DMD: variants seen among roughly 807,000 people sequenced by gnomAD.
DMD encodes the protein mutant dystrophin.
In DMD, 63 loss-of-function variants were observed where a neutral mutation model predicts 330.1. The observed-to-expected ratio is 0.19, with a 90% confidence interval of 0.16 to 0.24. DMD has a LOEUF of 0.24. Among genes scored for constraint, DMD ranks in the 10% least tolerant of loss-of-function variants. The probability of loss-of-function intolerance (pLI) is 1.00; values close to 1 mark genes in which losing one functional copy is unlikely to be tolerated. For synonymous variants in DMD, 1,223 were observed against 959.8 expected (o/e 1.27, Z -5.07); for missense variants, 3,344 against 2,684.1 (o/e 1.25, Z -5.43).
chrX:32,082,391 G>GCTATCTATCTATCTAT (rs74475298), intron 44 of DMD, among the ~76,000 whole-genome samples: 44 of 95,333 alleles, frequency 4.6e-4, no homozygotes, highest in African/African-American at 5.5e-4. Context: ...ACCTCGCCCG[G>GCTATCTATCTATCTAT]CTATCTATCT....
At chrX:31,270,386 TC>T (rs1390610015) in intron 62 of DMD, among the ~76,000 whole-genome samples, 2 of 110,621 alleles carry the variant, frequency 1.8e-5, no homozygotes, top group African/African-American at 3.3e-5. Flanking sequence ...GAAAGTCAGA[TC>T]CCCCCACTCT....
rs763328925 is a variant in DMD, at chrX:31,800,937, C to T, written c.7309+19038G>A. On this transcript the variant is annotated intron_variant, in intron 50 of 78. Transcript: ENST00000357033. ...TTTTGGTCAAAACCATTCAACAAGT[C>T]TCTAGGAAGTTTCAAATTTTCCCAC... 2.7e-5 allele frequency among the ~76,000 whole-genome samples: 3 copies of T among 111,570 alleles called. No individual in the cohort carries two copies. The South Asian group carries it at 1.1e-3, about 43-fold the overall frequency.
intron 55 of DMD, among the ~76,000 whole-genome samples, chrX:31,567,642 A>T (rs1242134004): frequency 9.0e-6 from 1 of 111,509 alleles, no homozygotes; most frequent in East Asian, 2.8e-4. Context: ...CTCTAGGCTC[A>T]TTTATTTATT....
intron 17 of DMD, among the ~76,000 whole-genome samples, chrX:32,538,520 C>G (rs756205128): frequency 9.9e-5 from 11 of 111,081 alleles, no homozygotes; most frequent in African/African-American, 3.6e-4. Context: ...CTGCCTGCAC[C>G]CAGGTGAAAT....
chrX:33,326,489 C>T (rs896592163), intron 1 of DMD, among the ~76,000 whole-genome samples: 15 of 111,534 alleles, frequency 1.3e-4, no homozygotes, highest in Admixed American at 3.8e-4. Context: ...TTGTTTATGA[C>T]TGTGGGATGG....
chrX:32,144,989 G>A (rs936406127), intron 44 of DMD, among the ~76,000 whole-genome samples: 10 of 111,646 alleles, frequency 9.0e-5, no homozygotes, highest in South Asian at 7.5e-4. Flanking sequence ...AGCCGAGATC[G>A]CACCATTGCA....
chrX:31,905,567 A>T (rs2094468341), intron 47 of DMD, among the ~76,000 whole-genome samples: 1 of 110,692 alleles, frequency 9.0e-6, no homozygotes, highest in South Asian at 3.9e-4. Context: ...TGGTAGCAAA[A>T]GATGAAGAGG....
At chrX:32,794,057 C>A (rs1416500561) in intron 7 of DMD, among the ~76,000 whole-genome samples, 1 of 111,620 alleles carries the variant, frequency 9.0e-6, no homozygotes, top group African/African-American at 3.3e-5. Context: ...CCCAATGATA[C>A]AAGGATACAT....
At chrX:31,155,448 A>G (rs911972498) in intron 74 of DMD, among the ~76,000 whole-genome samples, 11 of 112,531 alleles carry the variant, frequency 9.8e-5, no homozygotes, top group African/African-American at 3.2e-4. Flanking sequence ...GTAAAGTAGA[A>G]CAACTACAAA....
intron 48 of DMD, among the ~76,000 whole-genome samples, chrX:31,840,790 G>T: frequency 9.1e-6 from 1 of 110,228 alleles, no homozygotes; most frequent in Non-Finnish European, 1.9e-5. Context: ...GCCCATATAG[G>T]ATGGCAAACT....
rs1305708461 is a variant in DMD, at chrX:32,936,410, C to T, written c.93+83729G>A. ...TACAGGCGTGAGCCACCGCGCCCAG[C>T]TTACTTGTATCTCTTAATCCCATCA... On this transcript the variant is annotated intron_variant, in intron 2 of 78. Transcript: ENST00000357033. Among the ~76,000 whole-genome samples the T allele has an allele frequency of 6.2e-5, 7 of 112,098 alleles. No homozygotes were observed. The East Asian group carries it at 2.0e-3, about 32-fold the overall frequency.
intron 9 of DMD, among the ~76,000 whole-genome samples, chrX:32,676,158 C>T (rs751692586): frequency 4.1e-4 from 46 of 111,274 alleles, no homozygotes; most frequent in African/African-American, 8.5e-4. Context: ...ATACAAAGCA[C>T]GTAAAAGGGA....
intron 30 of DMD, among the ~76,000 whole-genome samples, chrX:32,405,081 C>T (rs73619063): frequency 0.16 from 17,668 of 110,669 alleles, 1,172 homozygotes; most frequent in African/African-American, 0.25. Flanking sequence ...TAGAAAATGT[C>T]GTATGAAAAA....
intron 45 of DMD, among the ~76,000 whole-genome samples, chrX:31,946,303 C>T (rs932040638): frequency 2.7e-5 from 3 of 111,188 alleles, no homozygotes; most frequent in Non-Finnish European, 5.7e-5. Flanking sequence ...AAATACTTAG[C>T]GAGTCAGAGG....
chrX:32,995,557 A>C (rs1003760275), intron 2 of DMD, among the ~76,000 whole-genome samples: 40 of 112,147 alleles, frequency 3.6e-4, no homozygotes, highest in African/African-American at 1.2e-3. Flanking sequence ...AAGTATGATT[A>C]TTTCACACAA....
chrX:32,869,970 T>C (rs1048520277), intron 2 of DMD, among the ~76,000 whole-genome samples: 1 of 110,128 alleles, frequency 9.1e-6, no homozygotes, highest in Non-Finnish European at 1.9e-5. Flanking sequence ...GCCAGGGCAA[T>C]CAGGCAAGAG....
chrX:32,229,910 T>C (rs1447433183), intron 43 of DMD, among the ~76,000 whole-genome samples: 1 of 107,135 alleles, frequency 9.3e-6, no homozygotes, highest in Admixed American at 1.0e-4. Flanking sequence ...TTATTAGCTA[T>C]AGGCACTATG....
chrX:32,813,952 T>A (rs2077547889), intron 6 of DMD, among the ~76,000 whole-genome samples: 1 of 111,541 alleles, frequency 9.0e-6, no homozygotes, highest in Non-Finnish European at 1.9e-5. Flanking sequence ...TACTATGGAG[T>A]AAATACCTAT....
At chrX:31,330,089 G>A (rs1447961814) in intron 61 of DMD, among the ~76,000 whole-genome samples, 5 of 106,807 alleles carry the variant, frequency 4.7e-5, no homozygotes, top group Non-Finnish European at 1.9e-5. Flanking sequence ...GAATATGTTC[G>A]TTATCTTTAG....
Sources: gnomAD v4.1 joint callset for allele counts (sites outside exome capture counted in the v4.1 genomes callset) on GRCh38, gnomAD v4.1.1 for gene constraint, MANE v1.5 for transcripts, NCBI Gene and HGNC (gene_info 2026-07-23, HGNC 2026-07-21) for gene names.